The following SLC25A48 variants were observed in gnomAD, a reference collection of about 807,000 sequenced individuals.
The protein encoded by SLC25A48 is CTC-321K16.1.
Under a neutral mutation model 32.2 loss-of-function variants are expected in SLC25A48, and 29 were observed. That is an observed-to-expected ratio of 0.90 (90% confidence interval 0.67 to 1.23). The LOEUF is 1.23. Among genes scored for constraint, SLC25A48 ranks in the 50% most tolerant of loss-of-function variants. The pLI is 0.00. For synonymous variants in SLC25A48, 164 were observed against 172.3 expected (o/e 0.95, Z 0.38); for missense variants, 399 against 422.7 (o/e 0.94, Z 0.49).
rs909816749 is a variant in SLC25A48, at chr5:135,846,136, C to T, written c.90+3677C>T. On this transcript the variant is annotated intron_variant, in intron 2 of 7. Transcript: ENST00000681962. The stretch of plus-strand genomic sequence containing the variant: ...AGAGCACAAACCCTATTATGAACTG[C>T]GCATGCGAGGGATCTAGGTTGCCCG... Among the ~76,000 whole-genome samples, 13 of 151,972 alleles carry T rather than the reference C, an allele frequency of 8.6e-5. 1 individual carries two copies. The highest frequency in any genetic ancestry group is 2.4e-4 in the African/African-American group (10 of 41,388).
chr5:135,799,524 C>T (rs1400749770), intron 3 of SLC25A48, among the ~76,000 whole-genome samples: 1 of 151,342 alleles, frequency 6.6e-6, no homozygotes, highest in Non-Finnish European at 1.5e-5. Context: ...CATATTATTC[C>T]CATTATCGAA....
chr5:135,823,937 A>G (rs932811502), intron 4 of SLC25A48, among the ~76,000 whole-genome samples: 27 of 152,216 alleles, frequency 1.8e-4, no homozygotes, highest in African/African-American at 6.3e-4. Context: ...AGGGAATATG[A>G]GTTGGACTGA....
At chr5:135,849,581 C>T (rs929785858) in intron 2 of SLC25A48, among the ~76,000 whole-genome samples, 1 of 152,096 alleles carries the variant, frequency 6.6e-6, no homozygotes, top group Non-Finnish European at 1.5e-5. Flanking sequence ...CAGGGTTGTG[C>T]CCAGCTCTGG....
At chr5:135,593,405 C>T (rs1751572023) in intron 1 of SLC25A48, among the ~76,000 whole-genome samples, 1 of 152,228 alleles carries the variant, frequency 6.6e-6, no homozygotes, top group Admixed American at 6.5e-5. Flanking sequence ...GTCTTAACCT[C>T]AGGTCAACAC....
At chr5:135,703,711 A>G (rs754758067) in intron 3 of SLC25A48, among the ~76,000 whole-genome samples, 9 of 152,138 alleles carry the variant, frequency 5.9e-5, no homozygotes, top group Non-Finnish European at 8.8e-5. Context: ...GACACCACAC[A>G]GTAACTTGTT....
chr5:135,797,089 G>A (rs1170510918), intron 3 of SLC25A48, among the ~76,000 whole-genome samples: 1 of 151,706 alleles, frequency 6.6e-6, no homozygotes, highest in African/African-American at 2.4e-5. Context: ...CCTAATATGC[G>A]AAGGGGAAGG....
chr5:135,716,990 C>T (rs1278489059), intron 3 of SLC25A48, among the ~76,000 whole-genome samples: 2 of 152,202 alleles, frequency 1.3e-5, no homozygotes, highest in Non-Finnish European at 2.9e-5. Context: ...CTTGGGAGGG[C>T]ATAACCATTA....
chr5:135,750,160 C>G (rs1755735563), intron 3 of SLC25A48, among the ~76,000 whole-genome samples: 1 of 152,210 alleles, frequency 6.6e-6, no homozygotes, highest in Admixed American at 6.5e-5. Context: ...TTTCTTATCC[C>G]TGGAAAGGGC....
At chr5:135,770,293 T>C (rs1187223127) in intron 3 of SLC25A48, among the ~76,000 whole-genome samples, 1 of 151,332 alleles carries the variant, frequency 6.6e-6, no homozygotes, top group Non-Finnish European at 1.5e-5. Flanking sequence ...ACCCCCTCTA[T>C]GATATTGTTC....
In SLC25A48 at chr5:135,882,876, G is replaced by A. The variant is rs184695384; in HGVS notation, c.*7+2779G>A. Among the ~76,000 whole-genome samples the A allele has an allele frequency of 3.7e-4, 56 of 152,312 alleles. No homozygotes were observed. The East Asian group carries it at 0.011, about 29-fold the overall frequency. On this transcript the variant is annotated intron_variant, in intron 7 of 7. Transcript: ENST00000681962. ...CTGATTTTCAAGGAAAGAAGACATA[G>A]TGCTCTTATGATACCTTTGCTGAAC...
rs191897274 is a variant in SLC25A48, at chr5:135,877,702, C to T, written c.814-2266C>T. ...TGATTGTGATTGCTAATCCCACCCC[C>T]ACCTCTGTTATCTGTCCTTCCTGAC... is the stretch of plus-strand genomic sequence containing the variant. On this transcript the variant is annotated intron_variant, in intron 6 of 7. Coordinates refer to ENST00000681962, the MANE Select transcript of SLC25A48 (RefSeq NM_001349336.2). Among the ~76,000 whole-genome samples, 219 of 152,288 alleles carry T rather than the reference C, an allele frequency of 1.4e-3. 1 individual carries two copies. Among genetic ancestry groups the T allele is most frequent in the African/African-American group, 4.9e-3 (205 of 41,564 alleles).
chr5:135,856,021 G>GA (rs2126752578), intron 4 of SLC25A48, among the ~76,000 whole-genome samples: 1 of 152,312 alleles, frequency 6.6e-6, no homozygotes, highest in African/African-American at 2.4e-5. Context: ...AAGGAGGGTA[G>GA]AAAAAACAGG....
At chr5:135,867,347 G>A (rs1437105191) in intron 4 of SLC25A48, among the ~76,000 whole-genome samples, 1 of 152,098 alleles carries the variant, frequency 6.6e-6, no homozygotes, top group Non-Finnish European at 1.5e-5. Context: ...TCTCAGTTGT[G>A]CATATTTCCA....
intron 3 of SLC25A48, among the ~76,000 whole-genome samples, chr5:135,775,382 G>A (rs1031005611): frequency 6.6e-6 from 1 of 151,508 alleles, no homozygotes; most frequent in African/African-American, 2.4e-5. Flanking sequence ...ATATCAAGTG[G>A]GGGAGAGGAT....
intron 3 of SLC25A48, among the ~76,000 whole-genome samples, chr5:135,680,401 A>T (rs1753866960): frequency 6.6e-6 from 1 of 152,166 alleles, no homozygotes; most frequent in Non-Finnish European, 1.5e-5. Flanking sequence ...TGACATTTTG[A>T]TTAGGATTAC....
At chr5:135,735,741 G>A (rs1271025906) in intron 3 of SLC25A48, among the ~76,000 whole-genome samples, 2 of 152,106 alleles carry the variant, frequency 1.3e-5, no homozygotes, top group Non-Finnish European at 2.9e-5. Flanking sequence ...CTGGGGAGAG[G>A]GTAGAAGTTA....
At chr5:135,617,310 T>C (rs1182498407) in intron 1 of SLC25A48, among the ~76,000 whole-genome samples, 2 of 152,064 alleles carry the variant, frequency 1.3e-5, no homozygotes, top group Non-Finnish European at 2.9e-5. Flanking sequence ...AATGTCTCCT[T>C]TCTATTTCAG....
At chr5:135,720,662 T>C (rs1470633052) in intron 3 of SLC25A48, among the ~76,000 whole-genome samples, 1 of 152,064 alleles carries the variant, frequency 6.6e-6, no homozygotes, top group African/African-American at 2.4e-5. Context: ...AAAATCGTGG[T>C]GGATCCTGGT....
chr5:135,622,946 G>A (rs1029694878), intron 1 of SLC25A48, among the ~76,000 whole-genome samples: 4 of 152,176 alleles, frequency 2.6e-5, no homozygotes, highest in Admixed American at 2.6e-4. Flanking sequence ...GAGGATGGAT[G>A]GGCAGGATGA....
Sources: gnomAD v4.1 joint callset for allele counts (sites outside exome capture counted in the v4.1 genomes callset) on GRCh38, gnomAD v4.1.1 for gene constraint, MANE v1.5 for transcripts, NCBI Gene and HGNC (gene_info 2026-07-23, HGNC 2026-07-21) for gene names.